Variants in SNX13 observed in about 807,000 individuals in gnomAD.
The protein encoded by SNX13 is sorting nexin-13.
In SNX13, 45 loss-of-function variants were observed where a neutral mutation model predicts 133.6. The ratio of observed to expected loss-of-function variants is 0.34; its 90% CI spans 0.27 to 0.43. SNX13 has a LOEUF of 0.43. Among genes scored for constraint, SNX13 ranks in the 20% least tolerant of loss-of-function variants. The pLI is 1.00. For missense variants in SNX13, 1,032 were observed against 1,145.1 expected (o/e 0.90, Z 1.43); for synonymous variants, 414 against 373.9 (o/e 1.11, Z -1.24).
intron 1 of SNX13, chr7:17,898,424 T>A (rs77253080): frequency 6.6e-6 from 1 of 152,176 alleles, no homozygotes; most frequent in African/African-American, 2.4e-5. Context: ...CTGTGGATTA[T>A]GAGAGAAAGG....
intron 20 of SNX13, among the ~76,000 whole-genome samples, chr7:17,810,433 C>A (rs951506698): frequency 6.6e-6 from 1 of 151,972 alleles, no homozygotes; most frequent in East Asian, 1.9e-4. Context: ...AAGTCGAATC[C>A]CTGAAGAGAC....
chr7:17,884,361 C>T (rs1421449711), intron 5 of SNX13, among the ~76,000 whole-genome samples: 1 of 152,092 alleles, frequency 6.6e-6, no homozygotes, highest in Admixed American at 6.5e-5. Context: ...GAAACAGAAA[C>T]ATTTGGTTGT....
At chr7:17,838,549 G>C (rs1174453190) in intron 13 of SNX13, among the ~76,000 whole-genome samples, 1 of 151,598 alleles carries the variant, frequency 6.6e-6, no homozygotes, top group Non-Finnish European at 1.5e-5. Context: ...AGATTTTTAA[G>C]TAAAAAAAGA....
chr7:17,875,811 T>A (rs1562824931), intron 5 of SNX13, 21 bp from the exon 6 acceptor site: 1 of 1,544,814 alleles, frequency 6.5e-7, no homozygotes, highest in African/African-American at 1.4e-5. Context: ...ACACATTACA[T>A]AAAAGGATTA....
chr7:17,863,991 G>A (rs753671540), intron 9 of SNX13, among the ~76,000 whole-genome samples: 1 of 152,180 alleles, frequency 6.6e-6, no homozygotes, highest in Non-Finnish European at 1.5e-5. Flanking sequence ...TGCTGAAATA[G>A]CATAGTGACC....
At chr7:17,838,324 T>C (rs562562630) in intron 13 of SNX13, among the ~76,000 whole-genome samples, 1 of 152,018 alleles carries the variant, frequency 6.6e-6, no homozygotes, top group Non-Finnish European at 1.5e-5. Flanking sequence ...TCAGGGTTCA[T>C]GTCTCCTCTT....
intron 15 of SNX13, chr7:17,832,231 G>C: frequency 1.0e-6 from 1 of 984,458 alleles, no homozygotes; most frequent in Non-Finnish European, 1.2e-6. Flanking sequence ...TATGATTTTA[G>C]GAAGTTTGAG....
rs74985669 is a variant in SNX13 at position 17,870,873 on chromosome 7, T to A, written c.754-2383A>T. Reference sequence around the variant, plus strand: ...AAGGAAAACAATTGGATACTATCCATAATAACAGGGAATTATGAGGGAGAT... The same window carrying A: ...AAGGAAAACAATTGGATACTATCCAAAATAACAGGGAATTATGAGGGAGAT... On this transcript the variant is annotated intron_variant, in intron 8 of 25. Transcript: ENST00000428135. 1.3e-4 allele frequency among the ~76,000 whole-genome samples: 20 copies of A among 152,222 alleles called. No homozygotes were observed. In the East Asian group the frequency reaches 3.9e-3, roughly 29 times the overall value.
At chr7:17,823,473 T>C (rs996661957) in intron 17 of SNX13, among the ~76,000 whole-genome samples, 2 of 152,208 alleles carry the variant, frequency 1.3e-5, no homozygotes, top group Non-Finnish European at 2.9e-5. Flanking sequence ...TAGGACTCTA[T>C]ATTGGCAAGA....
chr7:17,899,407 A>T (rs1797570339), intron 1 of SNX13: 3 of 151,614 alleles, frequency 2.0e-5, no homozygotes, highest in Non-Finnish European at 4.4e-5. Context: ...TCTACGCCTA[A>T]CTCTCTCTCT....
intron 22 of SNX13, among the ~76,000 whole-genome samples, chr7:17,801,046 A>T (rs1183550979): frequency 2.5e-4 from 6 of 23,986 alleles, no homozygotes; most frequent in African/African-American, 7.8e-4. Flanking sequence ...ATATATATAT[A>T]TATATATATA....
At chr7:17,933,545 A>G (rs76524051) in intron 1 of SNX13, among the ~76,000 whole-genome samples, 1 of 144,418 alleles carries the variant, frequency 6.9e-6, no homozygotes, top group Non-Finnish European at 1.5e-5. Context: ...TCTGTCTCAG[A>G]AAAAAAAAAA....
intron 1 of SNX13, among the ~76,000 whole-genome samples, chr7:17,901,324 C>A (rs1043416239): frequency 6.6e-6 from 1 of 152,210 alleles, no homozygotes; most frequent in Non-Finnish European, 1.5e-5. Context: ...GTCGCCCCAG[C>A]TGGTGTCTCA....
intron 17 of SNX13, among the ~76,000 whole-genome samples, chr7:17,823,673 C>T (rs1787555996): frequency 1.3e-5 from 2 of 152,136 alleles, no homozygotes; most frequent in African/African-American, 2.4e-5. Context: ...TTCACCTTGT[C>T]CAGTTATCTT....
intron 20 of SNX13, among the ~76,000 whole-genome samples, chr7:17,804,230 A>C (rs1272342291): frequency 6.6e-6 from 1 of 152,174 alleles, no homozygotes. Flanking sequence ...TGTTTTCCAA[A>C]ACAGAAATTG....
At chr7:17,935,605 G>A (rs985778385) in intron 1 of SNX13, among the ~76,000 whole-genome samples, 1 of 152,072 alleles carries the variant, frequency 6.6e-6, no homozygotes, top group Admixed American at 6.5e-5. Flanking sequence ...GCATAAAAAT[G>A]ACTGTCAATT....
chr7:17,813,505 A>G (rs1477520194), intron 20 of SNX13, among the ~76,000 whole-genome samples: 2 of 152,152 alleles, frequency 1.3e-5, no homozygotes, highest in Non-Finnish European at 2.9e-5. Flanking sequence ...GGTTTTTGCC[A>G]TTTGTTTTAA....
rs1009932727 is a variant in SNX13 at position 17,805,260 on chromosome 7, C to T, written c.2065-1680G>A. On this transcript the variant is annotated intron_variant, in intron 20 of 25. Transcript: ENST00000428135. ...GTGTGTGTGTGTGTGTGCGTGCGCG[C>T]GCGCGCATGCATGCACATGTGTAAT... Among the ~76,000 whole-genome samples, 545 of 100,318 alleles carry T rather than the reference C, an allele frequency of 5.4e-3. 3 individuals carry two copies. Among genetic ancestry groups the T allele is most frequent in the African/African-American group, 0.011 (246 of 22,864 alleles). The allele number at this position is 100,318 out of a possible 152,430, so 65.8% of individuals were successfully genotyped here. A position where few individuals can be genotyped will look rare whatever the true frequency, so the allele number is the denominator to read the frequency against.
rs201697037 is a variant in SNX13, at chr7:17,857,772, CA to C, written c.838-6809del. 2.5e-4 allele frequency among the ~76,000 whole-genome samples: 37 copies of C among 146,408 alleles called. No individual in the cohort carries two copies. The South Asian group carries it at 3.4e-3, about 14-fold the overall frequency. ...TGAACTACAGAGCAAGACTCCATCTCAAAAAAAAAATACTAATAAACTTAAT... is the reference window on the plus strand; with the variant it reads ...TGAACTACAGAGCAAGACTCCATCTCAAAAAAAAATACTAATAAACTTAAT... On this transcript the variant is annotated intron_variant, in intron 9 of 25. Transcript: ENST00000428135.
Sources: allele counts gnomAD v4.1 joint callset (sites outside exome capture counted in the v4.1 genomes callset), GRCh38; gene constraint gnomAD v4.1.1; transcripts MANE v1.5; gene names NCBI Gene and HGNC (gene_info 2026-07-23, HGNC 2026-07-21).